Variants in SFSWAP observed in about 807,000 individuals in gnomAD.
SFSWAP encodes splicing factor SWAP.
In SFSWAP, 17 loss-of-function variants were observed where a neutral mutation model predicts 100.7. The observed-to-expected ratio is 0.17, with a 90% CI of 0.12 to 0.25. SFSWAP has a LOEUF of 0.25. Among genes scored for constraint, SFSWAP ranks in the 10% least tolerant of loss-of-function variants. The pLI is 1.00. For missense variants in SFSWAP, 1,005 were observed against 1,262.6 expected, an observed-to-expected ratio of 0.80 and a Z score of 3.09; for synonymous variants, 504 against 510.1, an observed-to-expected ratio of 0.99 and a Z score of 0.16.
chr12:131,725,626 A>G lies in SFSWAP; in HGVS notation c.828A>G (p.Lys276=), dbSNP rs751980932. The G allele has an allele frequency of 5.6e-6, 9 of 1,611,986 alleles. No homozygotes were observed. In the Admixed American group the frequency reaches 1.5e-4, roughly 27 times the overall value. ...TGGCAGAAAACAAAAGTGACGAGAA[A>G]AAAAGTAGGTCCCACTGCGTCTGTT... ...TVLAENKSDE[K]KKSGVSSDNE... is the part of the protein sequence containing the mutation. Residue 276 remains lysine, a synonymous_variant, in exon 5 of 18, where the codon AAA becomes AAG. Coordinates refer to ENST00000261674, the MANE Select transcript of SFSWAP (RefSeq NM_004592.4). The surrounding 1 kb of genome is among the most constrained non-coding windows in gnomAD (Gnocchi z 4.3).
At chr12:131,741,906 G>A (rs147779009) in intron 7 of SFSWAP, among the ~76,000 whole-genome samples, 209 of 152,190 alleles carry the variant, frequency 1.4e-3, no homozygotes, top group Non-Finnish European at 2.6e-3. Flanking sequence ...TCCTGGGGGC[G>A]TGTGCAGGGT....
Position 131,799,429 on chromosome 12 carries a change from A to G in SFSWAP, c.2797A>G (p.Met933Val). 6.2e-7 allele frequency: 1 copy of G among 1,612,442 alleles called. No homozygotes were observed. Among genetic ancestry groups the G allele is most frequent in the Non-Finnish European group, 8.5e-7 (1 of 1,178,558 alleles). ...TGTGTCTCGCCCTGCACAGGATCTC[A>G]TGGCCAAAGTCAGAGCGATGCTTGC... The part of the protein sequence containing the change: ...SVQSKITQDL[M>V]AKVRAMLAAS... Residue 933 changes from methionine (M) to valine (V), a missense_variant, in exon 18 of 18, where the codon ATG becomes GTG. By Grantham distance (21) the Met-to-Val change is conservative. This residue lies in a region of SFSWAP where 295 missense variants were observed against 347.9 expected (regional missense o/e 0.85). Coordinates refer to ENST00000261674, the MANE Select transcript of SFSWAP (RefSeq NM_004592.4).
At chr12:131,765,627 A>G (rs1883049246) in intron 12 of SFSWAP, among the ~76,000 whole-genome samples, 1 of 152,122 alleles carries the variant, frequency 6.6e-6, no homozygotes. Flanking sequence ...CAGCCTGGGC[A>G]ACAAGAGCAA....
At chr12:131,746,916 A>G (rs150812580) in intron 7 of SFSWAP, among the ~76,000 whole-genome samples, 138 of 152,232 alleles carry the variant, frequency 9.1e-4, no homozygotes, top group Non-Finnish European at 1.8e-3. Context: ...CATCCTGGCT[A>G]ACACGGTGAA....
intron 14 of SFSWAP, among the ~76,000 whole-genome samples, chr12:131,779,118 C>A (rs183169961): frequency 1.1e-3 from 158 of 149,362 alleles, no homozygotes; most frequent in Middle Eastern, 3.5e-3. Context: ...ACCGGTGCCA[C>A]ACTCTGCACA....
chr12:131,755,943 C>A (rs547437317), intron 10 of SFSWAP, among the ~76,000 whole-genome samples: 81 of 152,384 alleles, frequency 5.3e-4, no homozygotes, highest in African/African-American at 1.8e-3. Context: ...AGATCCCCAG[C>A]GTGGTGCTGG....
intron 7 of SFSWAP, among the ~76,000 whole-genome samples, chr12:131,737,182 C>A (rs972711192): frequency 6.6e-6 from 1 of 152,124 alleles, no homozygotes; most frequent in Non-Finnish European, 1.5e-5. Flanking sequence ...GGCCACCCAC[C>A]GGAATGGCTC....
chr12:131,768,475 C>T (rs1883303353), intron 13 of SFSWAP, among the ~76,000 whole-genome samples: 1 of 152,160 alleles, frequency 6.6e-6, no homozygotes. Context: ...AGTCTGAAAT[C>T]CTCTCACATC....
At chr12:131,779,316 T>TGAGCGTGTGTGAAGAGGGCGGCGCGG (rs1566051767) in intron 14 of SFSWAP, among the ~76,000 whole-genome samples, 3 of 151,132 alleles carry the variant, frequency 2.0e-5, no homozygotes, top group Non-Finnish European at 4.4e-5. Flanking sequence ...GCGGCGCTGG[T>TGAGCGTGTGTGAAGAGGGCGGCGCGG]GCAGAATGTT....
chr12:131,744,463 A>T (rs1437100349), intron 7 of SFSWAP, among the ~76,000 whole-genome samples: 1 of 152,184 alleles, frequency 6.6e-6, no homozygotes, highest in African/African-American at 2.4e-5. Flanking sequence ...ATAAGAAGTC[A>T]CCTTTGCCTC....
At chr12:131,762,835 G>C (rs1024172297) in intron 11 of SFSWAP, among the ~76,000 whole-genome samples, 3 of 152,178 alleles carry the variant, frequency 2.0e-5, no homozygotes, top group African/African-American at 4.8e-5. Context: ...TCCTGATCTT[G>C]TGATCTACCT....
At chr12:131,753,609 T>C (rs572545218) in intron 8 of SFSWAP, 129 of 539,124 alleles carry the variant, frequency 2.4e-4, no homozygotes, top group African/African-American at 1.9e-3. Flanking sequence ...CGTCGCACGC[T>C]GGCCCCAGAT....
In SFSWAP at chr12:131,733,186, G is replaced by A. The variant is rs1274111153; in HGVS notation, c.1081+4758G>A. Reference sequence around the variant, plus strand: ...AAACGTCAGCTGTATGAGAGCGGGCGGGGGATGGCGCGGTCTCCCTGGTAC... The same window carrying A: ...AAACGTCAGCTGTATGAGAGCGGGCAGGGGATGGCGCGGTCTCCCTGGTAC... On this transcript the variant is annotated intron_variant, in intron 7 of 17. Coordinates refer to ENST00000261674, the MANE Select transcript of SFSWAP (RefSeq NM_004592.4). The surrounding 1 kb of genome is among the most constrained non-coding windows in gnomAD (Gnocchi z 5.1). 1.3e-5 allele frequency among the ~76,000 whole-genome samples: 2 copies of A among 152,166 alleles called. No homozygotes were observed. The highest frequency in any genetic ancestry group is 2.4e-5 in the African/African-American group (1 of 41,442).
intron 11 of SFSWAP, among the ~76,000 whole-genome samples, chr12:131,763,672 T>C (rs1882859509): frequency 6.6e-6 from 1 of 152,218 alleles, no homozygotes; most frequent in Admixed American, 6.5e-5. Context: ...AAATGTTTGC[T>C]GAATAAAGGC....
At chr12:131,776,342 G>A (rs1443763647) in intron 13 of SFSWAP, among the ~76,000 whole-genome samples, 1 of 152,136 alleles carries the variant, frequency 6.6e-6, no homozygotes, top group Non-Finnish European at 1.5e-5. Context: ...CCCACAACCA[G>A]GGAGGGGCAT....
In SFSWAP at chr12:131,797,280, C is replaced by T. The variant is rs140589847; in HGVS notation, c.2637C>T (p.Pro879=). 6.7e-3 allele frequency: 10,744 copies of T among 1,611,266 alleles called. 44 individuals carry two copies. Among genetic ancestry groups the T allele is most frequent in the Non-Finnish European group, 7.7e-3 (9,035 of 1,178,958 alleles). ...CCAGCAAGCAGGCAGCGCCCCGGCC[C>T]GCGGCCCCCGCGGCCCACTCGGCGC... ...VSPSKQAAPR[P]AAPAAHSAHS... The change falls in exon 16 of 18, where the codon CCC becomes CCT. Residue 879 remains proline, a synonymous_variant. Transcript: ENST00000261674.
chr12:131,797,118 C>G, intron 15 of SFSWAP, 60 bp from the exon 16 acceptor site: 1 of 1,499,132 alleles, frequency 6.7e-7, no homozygotes, highest in Admixed American at 1.8e-5. Flanking sequence ...CCGAGCTTCT[C>G]CCTTTGTGCC....
chr12:131,725,353 C>A lies in SFSWAP; in HGVS notation c.607-52C>A. On this transcript the variant is annotated intron_variant, in intron 4 of 17. Transcript: ENST00000261674. The surrounding 1 kb of genome is among the most constrained non-coding windows in gnomAD (Gnocchi z 4.3). ...TCTATGTTTTAATGAAATCACGTGG[C>A]CGGTGGACAAGAGGACAAATGGGTG... 7.1e-7 allele frequency: 1 copy of A among 1,413,262 alleles called. No individual in the cohort carries two copies. The highest frequency in any genetic ancestry group is 2.3e-5 in the East Asian group (1 of 43,782). 87.5% of individuals were successfully genotyped at this position (1,413,262 alleles called of 1,614,324 possible). A position where few individuals can be genotyped will look rare whatever the true frequency, so the allele number is the denominator to read the frequency against.
intron 14 of SFSWAP, chr12:131,783,728 A>G (rs3933752): frequency 0.97 from 142,246 of 146,882 alleles, 69,081 homozygotes; most frequent in East Asian, 1. Flanking sequence ...GCAGTGAGCC[A>G]AGATCGCGCC....
Sources: gnomAD v4.1 joint callset for allele counts (sites outside exome capture counted in the v4.1 genomes callset) on GRCh38, gnomAD v4.1.1 for gene constraint, gnomAD v4.1.1 regional missense constraint, Gnocchi (gnomAD v3.1) non-coding constraint, MANE v1.5 for transcripts, NCBI Gene and HGNC (gene_info 2026-07-23, HGNC 2026-07-21) for gene names.